Variants in UBALD1 observed in about 807,000 individuals in gnomAD.
UBALD1 encodes UBA-like domain-containing protein 1.
In UBALD1, 5 loss-of-function variants were observed where a neutral mutation model predicts 16.1. That is an observed-to-expected ratio of 0.31 (90% CI 0.16 to 0.66). The LOEUF (loss-of-function observed/expected upper bound fraction) is 0.66, where lower values mean the gene tolerates loss of function less well. Ranked by LOEUF, UBALD1 falls within the 30% of genes least tolerant of loss-of-function variation. The pLI, the probability that UBALD1 is intolerant of heterozygous loss-of-function variation, is 0.77. For missense variants in UBALD1, 220 were observed against 252.8 expected (o/e 0.87, Z 0.88); for synonymous variants, 146 against 105.3 (o/e 1.39, Z -2.37).
rs1041682353 is a variant in UBALD1, at chr16:4,609,323, A to C, written c.*310T>G. On this transcript the variant is annotated 3_prime_UTR_variant, in exon 3 of 3. Coordinates refer to ENST00000283474, the MANE Select transcript of UBALD1 (RefSeq NM_145253.3). ...CTCTGCCAGGGTGGTCCTCCACGGCACCCCTGGGCTGGGCTGGGCAGGTGC... is the reference window on the plus strand; with the variant it reads ...CTCTGCCAGGGTGGTCCTCCACGGCCCCCCTGGGCTGGGCTGGGCAGGTGC... 2 of 285,120 alleles carry C rather than the reference A, an allele frequency of 7.0e-6. No individual in the cohort carries two copies. Among genetic ancestry groups the C allele is most frequent in the Non-Finnish European group, 1.3e-5 (2 of 153,892 alleles). 17.7% of individuals were successfully genotyped at this position (285,120 alleles called of 1,614,324 possible). A position where few individuals can be genotyped will look rare whatever the true frequency, so the allele number is the denominator to read the frequency against.
In UBALD1 at chr16:4,609,680, C is replaced by T. The variant is rs1227191861; in HGVS notation, c.487G>A (p.Ala163Thr). ...GGGTGGGCCCTGGGTTCTGAGGTGG[C>T]CTGTTGGGGGGCCAGGGGTGGCCAG... is the stretch of plus-strand genomic sequence containing the variant. ...SDWPPLAPQQ[A>T]TSEPRAHPAM... The change falls in exon 3 of 3, where the codon GCC (alanine) becomes ACC (threonine). Residue 163 changes from alanine to threonine, a missense_variant. Around this residue, in one of 2 missense-constraint regions of UBALD1, gnomAD observed 151 missense variants for 132.6 expected, o/e 1.14. Coordinates refer to ENST00000283474, the MANE Select transcript of UBALD1 (RefSeq NM_145253.3). 1.4e-6 allele frequency: 2 copies of T among 1,469,174 alleles called. No homozygotes were observed. The highest frequency in any genetic ancestry group is 9.0e-7 in the Non-Finnish European group (1 of 1,112,086). 91.0% of individuals were successfully genotyped at this position (1,469,174 alleles called of 1,614,324 possible).
At position 4,614,750 on chromosome 16, in the gene UBALD1, C is replaced by T. The variant is rs139085731; in HGVS notation, c.48G>A (p.Gln16=). 4.6e-4 allele frequency: 719 copies of T among 1,562,540 alleles called. No individual in the cohort carries two copies. The highest frequency in any genetic ancestry group is 2.0e-3 in the Middle Eastern group (12 of 5,922). ...DELKHQVMIN[Q]FVLTAGCAAD... ...CCGCGCAGCCCGCCGTCAGCACGAACTGGTTGATCATGACCTGGTGCTTGA... is the reference window on the plus strand; with the variant it reads ...CCGCGCAGCCCGCCGTCAGCACGAATTGGTTGATCATGACCTGGTGCTTGA... The change falls in exon 1 of 3, where the codon CAG becomes CAA. Residue 16 remains glutamine (Q), a synonymous_variant. Transcript: ENST00000283474.
At chr16:4,612,355 C>T (rs1423532243) in intron 1 of UBALD1, among the ~76,000 whole-genome samples, 6 of 152,010 alleles carry the variant, frequency 3.9e-5, no homozygotes, top group Non-Finnish European at 8.8e-5. Context: ...AACCACCGTG[C>T]CCGGCAAAAA....
In UBALD1 at chr16:4,610,352, C is replaced by T. The variant is rs1596546481; in HGVS notation, c.183+141G>A. On this transcript the variant is annotated intron_variant, in intron 2 of 2. Transcript: ENST00000283474. ...AAGTGCAGGACCCACGGAGCCGGGA[C>T]TCCTGCTGACCCATCTCCAAAGAGG... 6 of 867,974 alleles carry T rather than the reference C, an allele frequency of 6.9e-6. No individual in the cohort carries two copies. The East Asian group carries it at 1.3e-4, about 19-fold the overall frequency. The allele number at this position is 867,974 out of a possible 1,614,324, so 53.8% of individuals were successfully genotyped here. A position where few individuals can be genotyped will look rare whatever the true frequency, so the allele number is the denominator to read the frequency against.
At position 4,614,769 on chromosome 16, in the gene UBALD1, T is replaced by C; in HGVS notation, c.29A>G (p.His10Arg). Residue 10 changes from histidine to arginine, a missense_variant, in exon 1 of 3, where the codon CAC becomes CGC. His to Arg is a conservative substitution (Grantham distance 29). Coordinates refer to ENST00000283474, the MANE Select transcript of UBALD1 (RefSeq NM_145253.3). The stretch of plus-strand genomic sequence containing the variant: ...CACGAACTGGTTGATCATGACCTGG[T>C]GCTTGAGCTCGTCCATGTTCACGGA... MSVNMDELK[H>R]QVMINQFVLT... 2.6e-6 allele frequency: 4 copies of C among 1,551,194 alleles called. No individual in the cohort carries two copies. The highest frequency in any genetic ancestry group is 3.5e-6 in the Non-Finnish European group (4 of 1,151,586).
chr16:4,609,429 G>A lies in UBALD1; in HGVS notation c.*204C>T, dbSNP rs368508873. 1.8e-5 allele frequency: 7 copies of A among 399,554 alleles called. No homozygotes were observed. Among genetic ancestry groups the A allele is most frequent in the Non-Finnish European group, 3.1e-5 (7 of 227,548 alleles). The allele number at this position is 399,554 out of a possible 1,614,324, so 24.8% of individuals were successfully genotyped here. On this transcript the variant is annotated 3_prime_UTR_variant, in exon 3 of 3. Transcript: ENST00000283474. ...CGCGCTGAACCACTCCATGTGCCGG[G>A]GCCGCTGGGGCCATGACCTTGCGTG...
At chr16:4,614,512 T>A in intron 1 of UBALD1, 166 bp downstream of exon 1, 1 of 1,196,610 alleles carries the variant, frequency 8.4e-7, no homozygotes, top group Non-Finnish European at 1.1e-6. Context: ...CCGCGAGCCC[T>A]TGGGATCCGG....
chr16:4,614,655 C>T, intron 1 of UBALD1, 23 bp downstream of exon 1: 6 of 1,493,808 alleles, frequency 4.0e-6, no homozygotes, highest in Non-Finnish European at 5.3e-6. Flanking sequence ...CCCCGGCCCT[C>T]GCCCGGCTCC....
In UBALD1 at chr16:4,609,733, G is replaced by A; in HGVS notation, c.434C>T (p.Thr145Ile). 2.0e-6 allele frequency: 3 copies of A among 1,496,372 alleles called. No individual in the cohort carries two copies. Among genetic ancestry groups the A allele is most frequent in the South Asian group, 2.7e-5 (2 of 73,334 alleles). 92.7% of individuals were successfully genotyped at this position (1,496,372 alleles called of 1,614,324 possible). A position where few individuals can be genotyped will look rare whatever the true frequency, so the allele number is the denominator to read the frequency against. ...QHHQPQPPLW[T>I]PTPPSPASDW... ...TGAAGCCGGAGAAGGGGGTGTTGGA[G>A]TCCACAGGGGCGGCTGTGGCTGGTG... The change falls in exon 3 of 3, where the codon ACT (threonine) becomes ATT (isoleucine). Residue 145 changes from threonine (T) to isoleucine (I), a missense_variant. Transcript: ENST00000283474.
intron 1 of UBALD1, chr16:4,610,828 C>A: frequency 2.1e-6 from 1 of 470,408 alleles, no homozygotes; most frequent in Non-Finnish European, 3.8e-6. Context: ...GCCTGCAGAG[C>A]CCTCCCCCTG....
chr16:4,614,311 T>C (rs546673180), intron 1 of UBALD1: 2 of 360,290 alleles, frequency 5.6e-6, no homozygotes, highest in South Asian at 1.4e-4. Flanking sequence ...CCGGCCCAGC[T>C]CTGCCGAGGC....
intron 2 of UBALD1, chr16:4,610,266 C>A (rs1163874346): frequency 1.4e-6 from 1 of 714,324 alleles, no homozygotes; most frequent in Non-Finnish European, 2.5e-6. Context: ...GGGTAAGGAG[C>A]TTCATTGCCC....
chr16:4,610,439 C>G, intron 2 of UBALD1, 54 bp downstream of exon 2: 2 of 1,549,240 alleles, frequency 1.3e-6, no homozygotes, highest in South Asian at 1.2e-5. Context: ...ATACACAGAA[C>G]TAGCTCGGCC....
rs551552810 is a variant in UBALD1 at position 4,609,879 on chromosome 16, G to A, written c.288C>T (p.Ser96=). ...TGGCTGTCGCGGCCATCGGGCTGCC[G>A]CTGCCACCGCTGTGGAAGCTCTCGG... ...KASESFHSGG[S]GSPMAATATS... is the part of the protein sequence containing the mutation. The change falls in exon 3 of 3, where the codon AGC becomes AGT. Residue 96 remains serine, a synonymous_variant. Transcript: ENST00000283474. 74 of 1,548,048 alleles carry A rather than the reference G, an allele frequency of 4.8e-5. No homozygotes were observed. Among genetic ancestry groups the A allele is most frequent in the Admixed American group, 2.2e-4 (11 of 51,044 alleles).
intron 1 of UBALD1, among the ~76,000 whole-genome samples, chr16:4,612,578 C>T (rs1310905193): frequency 6.6e-6 from 1 of 152,116 alleles, no homozygotes; most frequent in African/African-American, 2.4e-5. Context: ...ACACCAGACC[C>T]CCTCTGCAGG....
intron 1 of UBALD1, chr16:4,614,159 G>T (rs1897392347): frequency 4.3e-6 from 1 of 230,336 alleles, no homozygotes; most frequent in Non-Finnish European, 8.4e-6. Flanking sequence ...GTGCCCGCAG[G>T]TCCGCCACCT....
At chr16:4,611,033 G>A (rs928090483) in intron 1 of UBALD1, 5 of 268,968 alleles carry the variant, frequency 1.9e-5, no homozygotes, top group South Asian at 1.7e-4. Context: ...CCTCATCTGC[G>A]AAGCAAAAGC....
At chr16:4,614,464 G>T in intron 1 of UBALD1, 1 of 686,772 alleles carries the variant, frequency 1.5e-6, no homozygotes, top group Non-Finnish European at 2.1e-6. Context: ...CGGGGGCGGC[G>T]TATCCCCGAC....
chr16:4,610,648 C>A (rs755248161), intron 1 of UBALD1, 93 bp from the exon 2 acceptor site: 290 of 1,412,378 alleles, frequency 2.1e-4, no homozygotes, highest in Non-Finnish European at 2.6e-4. Flanking sequence ...GGGGATGACC[C>A]TGGCTGGACT....
Sources: allele counts gnomAD v4.1 joint callset (sites outside exome capture counted in the v4.1 genomes callset), GRCh38; gene constraint gnomAD v4.1.1; regional missense constraint gnomAD v4.1.1; transcripts MANE v1.5; gene names NCBI Gene and HGNC (gene_info 2026-07-23, HGNC 2026-07-21).